Variants in GPAM observed in about 807,000 individuals in gnomAD.
GPAM encodes the protein glycerol-3-phosphate acyltransferase, mitochondrial.
Under a neutral mutation model 105.0 loss-of-function variants are expected in GPAM, and 56 were observed. That is an observed-to-expected ratio of 0.53 (90% CI 0.43 to 0.67). The LOEUF (loss-of-function observed/expected upper bound fraction) is 0.67. GPAM is among the 30% of genes least tolerant of loss of function. GPAM has a pLI of 0.00. For missense variants in GPAM, 855 were observed against 989.8 expected (o/e 0.86, Z 1.83); for synonymous variants, 368 against 354.4 (o/e 1.04, Z -0.43).
At position 112,202,291 on chromosome 10, in the gene GPAM, A is replaced by G. The variant is rs76581762; in HGVS notation, n.210+12877T>C. Among the ~76,000 whole-genome samples, 984 of 152,328 alleles carry G rather than the reference A, an allele frequency of 6.5e-3. 7 individuals are homozygous for G. Among genetic ancestry groups the G allele is most frequent in the Non-Finnish European group, 0.01 (706 of 68,022 alleles). ...ATAAAACTTTATTCATCAAACAGAT[A>G]GTGAGCAGTATTTGGCCCAGGAGCC... On this transcript the variant is annotated intron_variant and non_coding_transcript_variant, in intron 1 of 3. Coordinates refer to the GPAM transcript ENST00000480130.
At chr10:112,169,660 T>C (rs1847279707) in intron 9 of GPAM, among the ~76,000 whole-genome samples, 1 of 152,158 alleles carries the variant, frequency 6.6e-6, no homozygotes, top group Non-Finnish European at 1.5e-5. Context: ...TAAACATTAA[T>C]ATATATTTTT....
At chr10:112,225,805 G>A in the GPAM span, among the ~76,000 whole-genome samples, 1 of 152,012 alleles carries the variant, frequency 6.6e-6, no homozygotes, top group African/African-American at 2.4e-5. Flanking sequence ...CCTCCACTAG[G>A]GTGTCAGCTT....
At chr10:112,161,450 A>T (rs533542928) in intron 15 of GPAM, among the ~76,000 whole-genome samples, 33 of 152,314 alleles carry the variant, frequency 2.2e-4, no homozygotes, top group Admixed American at 1.1e-3. Context: ...GCTTAGTACT[A>T]TATATATTAA....
At chr10:112,157,092 C>T in intron 19 of GPAM, 157 bp downstream of exon 19, 2 of 734,918 alleles carry the variant, frequency 2.7e-6, no homozygotes, top group South Asian at 3.2e-5. Flanking sequence ...ATTAATTCAA[C>T]TCAAACAGTT....
chr10:112,166,786 A>G (rs539273280), intron 11 of GPAM, among the ~76,000 whole-genome samples: 13 of 152,244 alleles, frequency 8.5e-5, no homozygotes, highest in Non-Finnish European at 1.9e-4. Context: ...TGTTCACACA[A>G]TTCACAAAAA....
intron 1 of GPAM, among the ~76,000 whole-genome samples, chr10:112,189,333 T>C (rs1056529914): frequency 6.6e-6 from 1 of 152,208 alleles, no homozygotes; most frequent in South Asian, 2.1e-4. Flanking sequence ...AGAGACAGCA[T>C]TGAACAAGAC....
In GPAM at chr10:112,151,895, T is replaced by C. The variant is rs1846926609; in HGVS notation, c.*1655A>G. 2.0e-6 allele frequency: 2 copies of C among 979,748 alleles called. No homozygotes were observed. The highest frequency in any genetic ancestry group is 4.7e-5 in the South Asian group (1 of 21,190). The allele number at this position is 979,748 out of a possible 1,614,324, so 60.7% of individuals were successfully genotyped here. Reference sequence around the variant, plus strand: ...ATGATATCTCATTCAACATCAGAGCTACTACAACTGACAATGACTTCATGG... The same window carrying C: ...ATGATATCTCATTCAACATCAGAGCCACTACAACTGACAATGACTTCATGG... On this transcript the variant is annotated 3_prime_UTR_variant, in exon 22 of 22. Coordinates refer to ENST00000348367, the MANE Select transcript of GPAM (RefSeq NM_001244949.2).
intron 2 of GPAM, 48 bp downstream of exon 2, chr10:112,182,746 A>G (rs930831676): frequency 1.3e-5 from 2 of 152,270 alleles, no homozygotes; most frequent in African/African-American, 2.4e-5. Context: ...AATTTAACAT[A>G]AGTACAATCT....
chr10:112,170,298 C>G (rs1171735961), intron 9 of GPAM, among the ~76,000 whole-genome samples: 3 of 152,112 alleles, frequency 2.0e-5, no homozygotes, highest in Non-Finnish European at 4.4e-5. Context: ...GATGAGCCAT[C>G]CACAAAAATA....
At chr10:112,218,519 C>A (rs923478102), upstream of GPAM, among the ~76,000 whole-genome samples, 1 of 152,008 alleles carries the variant, frequency 6.6e-6, no homozygotes, top group Non-Finnish European at 1.5e-5. Context: ...AGAAAGGGGT[C>A]CTGATTCAGA....
chr10:112,164,767 A>T, intron 12 of GPAM, among the ~76,000 whole-genome samples, 157 bp from the exon 13 acceptor site: 1 of 152,252 alleles, frequency 6.6e-6, no homozygotes, highest in East Asian at 1.9e-4. Context: ...TGTCTTCAGA[A>T]GTCCAGAATG....
At chr10:112,207,240 C>A (rs77389754) in intron 1 of GPAM, among the ~76,000 whole-genome samples, 2 of 152,128 alleles carry the variant, frequency 1.3e-5, no homozygotes, top group African/African-American at 4.8e-5. Flanking sequence ...GGGACAGTCC[C>A]CACACGAAAA....
At chr10:112,199,032 C>T (rs1374502396) in intron 1 of GPAM, among the ~76,000 whole-genome samples, 1 of 151,776 alleles carries the variant, frequency 6.6e-6, no homozygotes, top group Non-Finnish European at 1.5e-5. Context: ...AAGCAATTCT[C>T]CTGCCTCAGC....
chr10:112,161,779 C>T (rs763717116), intron 14 of GPAM, 42 bp from the exon 15 acceptor site: 15 of 1,503,636 alleles, frequency 1.0e-5, no homozygotes, highest in South Asian at 2.3e-5. Flanking sequence ...GCACTTTTTA[C>T]AAACATAGCT....
upstream of GPAM, chr10:112,183,767 C>T (rs1014873586): frequency 6.6e-6 from 1 of 152,280 alleles, no homozygotes; most frequent in African/African-American, 2.4e-5. Context: ...CAGTGGCGCA[C>T]CCTGATGACG....
chr10:112,149,952 T>C lies in GPAM; in HGVS notation c.*3598A>G, dbSNP rs1589571807. On this transcript the variant is annotated 3_prime_UTR_variant, in exon 22 of 22. Coordinates refer to ENST00000348367, the MANE Select transcript of GPAM (RefSeq NM_001244949.2). Reference sequence around the variant, plus strand: ...ACAAGCATAAAAATCAATCAGCATTTCCAAGTATGTTTTGCTCACAAAATC... The same window carrying C: ...ACAAGCATAAAAATCAATCAGCATTCCCAAGTATGTTTTGCTCACAAAATC... 5 of 985,592 alleles carry C rather than the reference T, an allele frequency of 5.1e-6. No individual in the cohort carries two copies. The highest frequency in any genetic ancestry group is 1.1e-4 in the East Asian group (1 of 8,830). 61.1% of individuals were successfully genotyped at this position (985,592 alleles called of 1,614,324 possible).
At chr10:112,223,279 ATCT>A in the GPAM span, among the ~76,000 whole-genome samples, 1 of 152,166 alleles carries the variant, frequency 6.6e-6, no homozygotes, top group Non-Finnish European at 1.5e-5. Flanking sequence ...CTGTTTCAGT[ATCT>A]TCTTCTAGGA....
rs1227828402 is a variant in GPAM, at chr10:112,160,667, C to T, written c.1696G>A (p.Val566Ile). ...TTGCTGTAGAAGTTGAGTTCGAAGACTGATGGGACAGTTGTGCTGGGGGTG... is the reference window on the plus strand; with the variant it reads ...TTGCTGTAGAAGTTGAGTTCGAAGATTGATGGGACAGTTGTGCTGGGGGTG... ...FITPSTTVPSVFELNFYSNGV... is the reference protein window; with the variant it reads ...FITPSTTVPSIFELNFYSNGV... The change falls in exon 16 of 22, where the codon GTC becomes ATC. Residue 566 changes from valine (V) to isoleucine (I), a missense_variant. Val to Ile is a conservative substitution (Grantham distance 29). Transcript: ENST00000348367. 6.2e-7 allele frequency: 1 copy of T among 1,613,572 alleles called. No homozygotes were observed. Among genetic ancestry groups the T allele is most frequent in the African/African-American group, 1.3e-5 (1 of 74,912 alleles).
the GPAM span, among the ~76,000 whole-genome samples, chr10:112,224,797 TG>T: frequency 6.6e-6 from 1 of 152,138 alleles, no homozygotes; most frequent in Non-Finnish European, 1.5e-5. Context: ...CTTTGCCATT[TG>T]GAAGTCAACC....
Sources: gnomAD v4.1 joint callset for allele counts (sites outside exome capture counted in the v4.1 genomes callset) on GRCh38, gnomAD v4.1.1 for gene constraint, MANE v1.5 for transcripts, NCBI Gene and HGNC (gene_info 2026-07-23, HGNC 2026-07-21) for gene names.